The following DARS2 variants were observed in gnomAD, a reference collection of about 807,000 sequenced individuals.
The protein encoded by DARS2 is aspartyl-tRNA synthetase 2, mitochondrial.
Under a neutral mutation model 83.0 loss-of-function variants are expected in DARS2, and 63 were observed. That is an observed-to-expected ratio of 0.76 (90% CI 0.62 to 0.94). The LOEUF (loss-of-function observed/expected upper bound fraction) is 0.94, where lower values mean the gene tolerates loss of function less well. Among genes scored for constraint, DARS2 ranks in the 40% least tolerant of loss-of-function variants. DARS2 has a pLI of 0.00. For synonymous variants in DARS2, 250 were observed against 269.3 expected (o/e 0.93, Z 0.70); for missense variants, 675 against 774.4 (o/e 0.87, Z 1.52).
At chr1:173,845,487 A>C (rs1208615494) in intron 12 of DARS2, among the ~76,000 whole-genome samples, 196 bp downstream of exon 12, 1 of 152,188 alleles carries the variant, frequency 6.6e-6, no homozygotes, top group South Asian at 2.1e-4. Context: ...GCTAGAGTGC[A>C]GTGTTGCCAT....
In DARS2 at chr1:173,856,422, CT is replaced by C. The variant is rs1653862135; in HGVS notation, c.1675-243del. 2.6e-5 allele frequency among the ~76,000 whole-genome samples: 4 copies of C among 152,236 alleles called. No individual in the cohort carries two copies. The South Asian group carries it at 8.3e-4, about 31-fold the overall frequency. ...GTGAATACAGTAAAAGCTGCATTTA[CT>C]GAACACCAGGCATTTTTGTACATGT... On this transcript the variant is annotated intron_variant, in intron 15 of 16. Transcript: ENST00000649689.
At chr1:173,837,195 A>G in intron 8 of DARS2, 149 bp downstream of exon 8, 2 of 737,198 alleles carry the variant, frequency 2.7e-6, no homozygotes, top group Non-Finnish European at 4.5e-6. Context: ...CTCATAATTT[A>G]TAGTCATCCT....
intron 12 of DARS2, among the ~76,000 whole-genome samples, chr1:173,848,202 T>G (rs1326527568): frequency 4.6e-5 from 7 of 152,114 alleles, no homozygotes; most frequent in Non-Finnish European, 1.0e-4. Context: ...GGATCCCAGG[T>G]TTTCCTCTTT....
intron 9 of DARS2, 79 bp from the exon 10 acceptor site, chr1:173,839,288 A>G: frequency 7.6e-7 from 1 of 1,312,322 alleles, no homozygotes; most frequent in Non-Finnish European, 1.1e-6. Context: ...AAAATTCTAT[A>G]GTAACTTGAA....
Position 173,857,603 on chromosome 1 carries a change from C to T in DARS2, c.1836C>T (p.Asp612=), listed in dbSNP as rs1326556266. 8 of 1,614,166 alleles carry T rather than the reference C, an allele frequency of 5.0e-6. No homozygotes were observed. In the South Asian group the frequency reaches 5.5e-5, roughly 11 times the overall value. Residue 612 remains aspartate, a synonymous_variant, in exon 17 of 17, where the codon GAC becomes GAT. Coordinates refer to ENST00000649689, the MANE Select transcript of DARS2 (RefSeq NM_018122.5). The part of the protein sequence containing the change: ...IAFPKSFRGH[D]LMSNTPDSVP... ...TCCCAAAGTCCTTCCGGGGACATGACCTCATGAGCAATACCCCAGATTCTG... is the reference window on the plus strand; with the variant it reads ...TCCCAAAGTCCTTCCGGGGACATGATCTCATGAGCAATACCCCAGATTCTG...
intron 3 of DARS2, among the ~76,000 whole-genome samples, 184 bp from the exon 4 acceptor site, chr1:173,830,476 T>G (rs925039657): frequency 9.9e-5 from 15 of 152,232 alleles, no homozygotes; most frequent in African/African-American, 3.6e-4. Context: ...TGCTGTATTA[T>G]ATAGAGTCAA....
chr1:173,832,571 C>G lies in DARS2; in HGVS notation c.493-805C>G, dbSNP rs537979023. Among the ~76,000 whole-genome samples the G allele has an allele frequency of 1.8e-3, 271 of 152,170 alleles. 1 individual carries two copies. Among genetic ancestry groups the G allele is most frequent in the African/African-American group, 6.1e-3 (255 of 41,492 alleles). ...AGATCACAAGGTCAGGAGTTCGAGACCAGCCTGGCCAATGTGGTGAAACCC... is the reference window on the plus strand; with the variant it reads ...AGATCACAAGGTCAGGAGTTCGAGAGCAGCCTGGCCAATGTGGTGAAACCC... On this transcript the variant is annotated intron_variant, in intron 5 of 16. Coordinates refer to ENST00000649689, the MANE Select transcript of DARS2 (RefSeq NM_018122.5).
At position 173,844,778 on chromosome 1, in the gene DARS2, A is replaced by ATTTTT. The variant is rs1164469532; in HGVS notation, c.1129-422_1129-418dup. On this transcript the variant is annotated intron_variant, in intron 11 of 16. Transcript: ENST00000649689. The stretch of plus-strand genomic sequence containing the variant: ...TGTGTCATTTGGTAGCAGAAATTGG[A>ATTTTT]TTTTTTTTTTTTTTTTTTTTTTTTT... 1.4e-4 allele frequency among the ~76,000 whole-genome samples: 8 copies of ATTTTT among 56,870 alleles called. 2 individuals are homozygous for ATTTTT. Among genetic ancestry groups the ATTTTT allele is most frequent in the East Asian group, 5.8e-4 (1 of 1,726 alleles). 37.3% of individuals were successfully genotyped at this position (56,870 alleles called of 152,430 possible). A position where few individuals can be genotyped will look rare whatever the true frequency, so the allele number is the denominator to read the frequency against.
intron 15 of DARS2, among the ~76,000 whole-genome samples, chr1:173,856,024 C>T (rs1421937743): frequency 6.6e-6 from 1 of 152,034 alleles, no homozygotes; most frequent in Non-Finnish European, 1.5e-5. Flanking sequence ...ACCTTACAAT[C>T]AAATCACCTG....
chr1:173,845,090 C>T (rs1254405394), intron 11 of DARS2, 139 bp from the exon 12 acceptor site: 42 of 642,668 alleles, frequency 6.5e-5, no homozygotes. Context: ...CCACCGCGCC[C>T]AGCCCAGACA....
At position 173,824,894 on chromosome 1, in the gene DARS2, G is replaced by A; in HGVS notation, c.-336G>A. ...GTATACCTTGTGACCGCCTCTGGTT[G>A]TCTTGGGCTCGCGCCTGGCGCCGCT... On this transcript the variant is annotated 5_prime_UTR_variant, in exon 1 of 17. Transcript: ENST00000649689. The A allele has an allele frequency of 2.8e-6, 1 of 354,562 alleles. No homozygotes were observed. Among genetic ancestry groups the A allele is most frequent in the South Asian group, 2.2e-5 (1 of 45,130 alleles). 22.0% of individuals were successfully genotyped at this position (354,562 alleles called of 1,614,324 possible). A position where few individuals can be genotyped will look rare whatever the true frequency, so the allele number is the denominator to read the frequency against.
At chr1:173,843,559 C>CA (rs901950682) in intron 11 of DARS2, among the ~76,000 whole-genome samples, 5 of 150,496 alleles carry the variant, frequency 3.3e-5, no homozygotes, top group South Asian at 2.1e-4. Flanking sequence ...GACTCCCTCT[C>CA]AAAAAAAAAG....
intron 13 of DARS2, chr1:173,851,734 C>T: frequency 3.6e-6 from 2 of 560,382 alleles, no homozygotes; most frequent in African/African-American, 2.1e-5. Flanking sequence ...TATTTTTTCA[C>T]TTTAGTATAT....
At chr1:173,841,528 A>G (rs1231566744) in intron 11 of DARS2, among the ~76,000 whole-genome samples, 5 of 151,904 alleles carry the variant, frequency 3.3e-5, no homozygotes, top group Non-Finnish European at 7.4e-5. Context: ...AAACAATGCT[A>G]TCAGCCAGGC....
chr1:173,842,118 G>A (rs758457746), intron 11 of DARS2, among the ~76,000 whole-genome samples: 15 of 152,104 alleles, frequency 9.9e-5, no homozygotes, highest in East Asian at 5.8e-4. Flanking sequence ...AACGGTACAC[G>A]TCTCTTTTCT....
chr1:173,839,582 A>G (rs369281358), intron 10 of DARS2, 36 bp downstream of exon 10: 3 of 1,590,656 alleles, frequency 1.9e-6, no homozygotes, highest in Middle Eastern at 1.7e-4. Context: ...TCTGTCCCCA[A>G]ATAATCCTGC....
At chr1:173,828,210 TATC>T in intron 2 of DARS2, 120 bp from the exon 3 acceptor site, 4 of 959,680 alleles carry the variant, frequency 4.2e-6, no homozygotes, top group Admixed American at 2.5e-5. Context: ...AAATTATAAT[TATC>T]ATAAAAAAGA....
intron 15 of DARS2, among the ~76,000 whole-genome samples, chr1:173,855,955 C>T (rs546009559): frequency 6.6e-6 from 1 of 152,244 alleles, no homozygotes; most frequent in Admixed American, 6.5e-5. Context: ...GCCACCACAC[C>T]TGGCCTAGAA....
intron 13 of DARS2, chr1:173,852,279 C>T (rs1653701277): frequency 1.0e-6 from 1 of 983,110 alleles, no homozygotes; most frequent in Non-Finnish European, 1.2e-6. Flanking sequence ...ACTTATTAAG[C>T]ACTTAGTATT....
Sources: allele counts gnomAD v4.1 joint callset (sites outside exome capture counted in the v4.1 genomes callset), GRCh38; gene constraint gnomAD v4.1.1; transcripts MANE v1.5; gene names NCBI Gene and HGNC (gene_info 2026-07-23, HGNC 2026-07-21).